CCDC187: variants seen among roughly 807,000 people sequenced by gnomAD.
CCDC187 encodes the protein coiled-coil domain containing 187.
In CCDC187, 32 loss-of-function variants were observed where a neutral mutation model predicts 38.0. The observed-to-expected ratio is 0.84, with a 90% CI of 0.64 to 1.13. CCDC187 has a LOEUF of 1.13. Among genes scored for constraint, CCDC187 ranks in the 50% most tolerant of loss-of-function variants. CCDC187 has a pLI of 0.00. For synonymous variants in CCDC187, 333 were observed against 347.9 expected, an observed-to-expected ratio of 0.96 and a Z score of 0.48; for missense variants, 707 against 786.8, an observed-to-expected ratio of 0.90 and a Z score of 1.21.
At chr9:136,305,748 G>C (rs1321247819), upstream of CCDC187, among the ~76,000 whole-genome samples, 2 of 152,240 alleles carry the variant, frequency 1.3e-5, no homozygotes, top group Non-Finnish European at 2.9e-5. Flanking sequence ...ACAAAATCAT[G>C]ACAGCAAATG....
intron 16 of CCDC187, 68 bp downstream of exon 16, chr9:136,267,316 A>C (rs1238299720): frequency 2.2e-6 from 2 of 905,318 alleles, no homozygotes; most frequent in Admixed American, 1.8e-4. Context: ...GCGGGGCTAC[A>C]GCAGGGCGGG....
chr9:136,285,927 C>T (rs1049924766), intron 8 of CCDC187, among the ~76,000 whole-genome samples, 158 bp downstream of exon 8: 8 of 152,230 alleles, frequency 5.3e-5, no homozygotes, highest in East Asian at 3.9e-4. Flanking sequence ...GGAAAGCCCA[C>T]GTACACTATG....
rs1830586300 is a variant in CCDC187, at chr9:136,254,315, G to A, written c.5513C>T (p.Pro1838Leu). 1.0e-6 allele frequency: 1 copy of A among 977,450 alleles called. No homozygotes were observed. Among genetic ancestry groups the A allele is most frequent in the Non-Finnish European group, 1.2e-6 (1 of 822,906 alleles). The allele number at this position is 977,450 out of a possible 1,614,324, so 60.5% of individuals were successfully genotyped here. A position where few individuals can be genotyped will look rare whatever the true frequency, so the allele number is the denominator to read the frequency against. ...GMEPQVALPS[P>L]WPGEGLEASG... ...AGCTTCCAGCCCCTCCCCAGGCCATGGGGACGGAAGAGCCACCTGGGGCTC... is the reference window on the plus strand; with the variant it reads ...AGCTTCCAGCCCCTCCCCAGGCCATAGGGACGGAAGAGCCACCTGGGGCTC... Residue 1838 changes from proline to leucine, a missense_variant, in exon 26 of 26, where the codon CCA becomes CTA. Physicochemically the swap from Pro to Leu is moderately conservative, Grantham distance 98 (BLOSUM62 -3). Transcript: ENST00000638797.
intron 14 of CCDC187, among the ~76,000 whole-genome samples, 173 bp from the exon 15 acceptor site, chr9:136,268,298 G>C (rs955968280): frequency 1.3e-5 from 2 of 152,194 alleles, no homozygotes; most frequent in Non-Finnish European, 2.9e-5. Context: ...ACGCGGGAAG[G>C]GACAGGCAGT....
chr9:136,257,034 G>A lies in CCDC187; in HGVS notation c.4367-193C>T, dbSNP rs148773409. On this transcript the variant is annotated intron_variant, in intron 22 of 25. Coordinates refer to ENST00000638797, the MANE Select transcript of CCDC187 (RefSeq NM_001378188.1). The surrounding 1 kb of genome is among the most constrained non-coding windows in gnomAD (Gnocchi z 4.5). ...CCTAAAATGATCCTGTCATTGGACA[G>A]TTAGTGATCAAAGTCCCAGCCAAAA... is the stretch of plus-strand genomic sequence containing the variant. 8.1e-3 allele frequency among the ~76,000 whole-genome samples: 1,241 copies of A among 152,346 alleles called. 23 individuals carry two copies. The highest frequency in any genetic ancestry group is 0.028 in the African/African-American group (1,167 of 41,572).
chr9:136,261,045 C>A (rs568913013), intron 19 of CCDC187, among the ~76,000 whole-genome samples: 50 of 152,304 alleles, frequency 3.3e-4, no homozygotes, highest in African/African-American at 1.1e-3. Context: ...GGAACAGGAA[C>A]CCCCATGTCC....
At chr9:136,281,499 C>T (rs1831041089) in intron 10 of CCDC187, 52 bp downstream of exon 10, 2 of 398,404 alleles carry the variant, frequency 5.0e-6, no homozygotes, top group African/African-American at 4.1e-5. Flanking sequence ...TCGGTGGATG[C>T]CCCGGCCACC....
chr9:136,258,467 C>T lies in CCDC187; in HGVS notation c.4366+465G>A, dbSNP rs185671828. Among the ~76,000 whole-genome samples, 944 of 152,230 alleles carry T rather than the reference C, an allele frequency of 6.2e-3. 13 individuals are homozygous for T. Among genetic ancestry groups the T allele is most frequent in the African/African-American group, 0.019 (797 of 41,522 alleles). ...CACTCTTCAGCCGGCGGCTACCAGA[C>T]GCACCACCAGGGTTCCCTGACACTG... On this transcript the variant is annotated intron_variant, in intron 22 of 25. Transcript: ENST00000638797. The surrounding 1 kb of genome is among the most constrained non-coding windows in gnomAD (Gnocchi z 4.3).
chr9:136,288,532 C>T (rs951284370), intron 7 of CCDC187, among the ~76,000 whole-genome samples: 11 of 152,192 alleles, frequency 7.2e-5, no homozygotes, highest in African/African-American at 2.2e-4. Context: ...GAGGCCTGGC[C>T]GTGAGCTCCT....
chr9:136,293,359 ATTCACATG>A (rs1427091963), intron 4 of CCDC187, among the ~76,000 whole-genome samples: 8 of 134,734 alleles, frequency 5.9e-5, no homozygotes, highest in East Asian at 2.3e-4. Context: ...GCTCACACAC[ATTCACATG>A]CTCACACACT....
In CCDC187 at chr9:136,260,192, CGGAGGCT is replaced by C; in HGVS notation, c.4130_4136del (p.Gln1377ArgfsTer41). On this transcript the variant is annotated frameshift_variant, in exon 20 of 26. Transcript: ENST00000638797. LOFTEE classifies it high-confidence loss of function. ...GTGTGTCCTCGCCCCATGCTGGCCT[CGGAGGCT>C]GCTGGTGACCATCTGCATCGGAGGT... The C allele has an allele frequency of 1.0e-6, 1 of 985,510 alleles. No individual in the cohort carries two copies. The highest frequency in any genetic ancestry group is 1.2e-6 in the Non-Finnish European group (1 of 830,128). 61.0% of individuals were successfully genotyped at this position (985,510 alleles called of 1,614,324 possible).
intron 4 of CCDC187, among the ~76,000 whole-genome samples, chr9:136,296,775 A>T (rs1831546066): frequency 6.6e-6 from 1 of 152,242 alleles, no homozygotes; most frequent in Non-Finnish European, 1.5e-5. Flanking sequence ...ACCTCTGCCC[A>T]GTCCTCAGCA....
chr9:136,259,483 A>T, intron 20 of CCDC187, 35 bp from the exon 21 acceptor site: 1 of 964,838 alleles, frequency 1.0e-6, no homozygotes, highest in Non-Finnish European at 1.2e-6. Context: ...ACCAGCAGCA[A>T]CCACAGACTG....
chr9:136,292,574 C>T (rs974888141), intron 4 of CCDC187, among the ~76,000 whole-genome samples: 5 of 152,194 alleles, frequency 3.3e-5, no homozygotes, highest in African/African-American at 4.8e-5. Context: ...TTCAGGAAAT[C>T]GTGGACAACA....
At chr9:136,306,261 C>G (rs1423560716), upstream of CCDC187, among the ~76,000 whole-genome samples, 1 of 152,192 alleles carries the variant, frequency 6.6e-6, no homozygotes, top group Non-Finnish European at 1.5e-5. Flanking sequence ...TAGCTGGGTC[C>G]GTACCCATTC....
intron 10 of CCDC187, among the ~76,000 whole-genome samples, chr9:136,279,409 T>C (rs1830996899): frequency 6.6e-6 from 1 of 152,198 alleles, no homozygotes; most frequent in African/African-American, 2.4e-5. Flanking sequence ...CTGTTGCCTG[T>C]CCCCCTGGGG....
intron 10 of CCDC187, among the ~76,000 whole-genome samples, chr9:136,279,863 C>T (rs966917973): frequency 7.0e-4 from 107 of 152,362 alleles, no homozygotes; most frequent in Middle Eastern, 3.4e-3. Context: ...TGGATGAGTG[C>T]CATCATTGTG....
At chr9:136,275,318 G>T (rs975414174) in intron 12 of CCDC187, among the ~76,000 whole-genome samples, 1 of 152,158 alleles carries the variant, frequency 6.6e-6, no homozygotes, top group Non-Finnish European at 1.5e-5. Flanking sequence ...GGCTGGGGGT[G>T]CTGGGAGGGC....
At position 136,277,552 on chromosome 9, in the gene CCDC187, G is replaced by C. The variant is rs1489197572; in HGVS notation, c.3041-825C>G. On this transcript the variant is annotated intron_variant, in intron 10 of 25. Transcript: ENST00000638797. ...TGGGTGGGTGCTGATGTAAGCACCT[G>C]GCACAAGTCCAGGGCTCTCCTTGGA... is the stretch of plus-strand genomic sequence containing the variant. Among the ~76,000 whole-genome samples the C allele has an allele frequency of 2.0e-5, 3 of 151,976 alleles. No individual in the cohort carries two copies. In the East Asian group the frequency reaches 5.8e-4, roughly 29 times the overall value.
Sources: gnomAD v4.1 joint callset for allele counts (sites outside exome capture counted in the v4.1 genomes callset) on GRCh38, gnomAD v4.1.1 for gene constraint, Gnocchi (gnomAD v3.1) non-coding constraint, MANE v1.5 for transcripts, NCBI Gene and HGNC (gene_info 2026-07-23, HGNC 2026-07-21) for gene names.